The following WDR1 variants were observed in gnomAD, a reference collection of about 807,000 sequenced individuals.
WDR1 encodes WD repeat-containing protein 1.
Under a neutral mutation model 71.9 loss-of-function variants are expected in WDR1, and 21 were observed. The observed-to-expected ratio is 0.29, with a 90% CI of 0.21 to 0.42. The LOEUF (loss-of-function observed/expected upper bound fraction) is 0.42. Among genes scored for constraint, WDR1 ranks in the 10% least tolerant of loss-of-function variants. WDR1 has a pLI of 1.00. For missense variants in WDR1, 696 were observed against 824.5 expected (o/e 0.84, Z 1.91); for synonymous variants, 424 against 347.4 (o/e 1.22, Z -2.45).
rs2241470 is a variant in WDR1 at position 10,082,946 on chromosome 4, T to G, written c.1196+76A>C. 488,680 of 1,517,366 alleles carry G rather than the reference T, an allele frequency of 0.32. 80,500 individuals carry two copies. Among genetic ancestry groups the G allele is most frequent in the East Asian group, 0.53 (23,303 of 43,810 alleles). 94.0% of individuals were successfully genotyped at this position (1,517,366 alleles called of 1,614,324 possible). The stretch of plus-strand genomic sequence containing the variant: ...GCAAGTGAGGCGTCCTCCAGAACAG[T>G]AACTGCTGGAGGGCACAAGCCCTCC... On this transcript the variant is annotated intron_variant, in intron 10 of 14. Coordinates refer to ENST00000499869, the MANE Select transcript of WDR1 (RefSeq NM_017491.5).
chr4:10,079,043 C>T (rs769749266), intron 11 of WDR1, 42 bp from the exon 12 acceptor site: 30 of 1,510,006 alleles, frequency 2.0e-5, no homozygotes, highest in African/African-American at 2.8e-5. Context: ...TCCAGCCCTT[C>T]GGGACAAAAC....
At position 10,099,151 on chromosome 4, in the gene WDR1, A is replaced by AAGG; in HGVS notation, c.230-13_230-12insCCT. On this transcript the variant is annotated splice_polypyrimidine_tract_variant and intron_variant, in intron 3 of 14. Transcript: ENST00000499869. ...CTTCCCAGACACATCTGTGGGGCACAGCGGGCGGGGGAGGGGGGGAGGCGG... is the reference window on the plus strand; with the variant it reads ...CTTCCCAGACACATCTGTGGGGCACAAGGGCGGGCGGGGGAGGGGGGGAGGCGG... 1 of 564,378 alleles carries AAGG rather than the reference A, an allele frequency of 1.8e-6. No individual in the cohort carries two copies. The highest frequency in any genetic ancestry group is 2.4e-6 in the Non-Finnish European group (1 of 412,598). 35.0% of individuals were successfully genotyped at this position (564,378 alleles called of 1,614,324 possible).
intron 5 of WDR1, chr4:10,094,575 C>A (rs1176908602): frequency 6.6e-6 from 1 of 152,250 alleles, no homozygotes; most frequent in Non-Finnish European, 1.5e-5. Flanking sequence ...GAACCTACCC[C>A]TGGGTTCGCA....
intron 9 of WDR1, among the ~76,000 whole-genome samples, chr4:10,084,242 T>G (rs936767683): frequency 1.3e-5 from 2 of 151,606 alleles, no homozygotes; most frequent in East Asian, 1.9e-4. Flanking sequence ...AGCCCTGGAG[T>G]TGCCAAGGAC....
rs376351237 is a variant in WDR1 at position 10,077,320 on chromosome 4, G to C, written c.1698C>G (p.Thr566=). The change falls in exon 14 of 15, where the codon ACC becomes ACG. Residue 566 remains threonine (T), a synonymous_variant. Transcript: ENST00000499869. ...GGAAGTCACCTTGGATCTTGACTCTGGTTTCCGGGTCACTCAGGGTCCAAA... is the reference window on the plus strand; with the variant it reads ...GGAAGTCACCTTGGATCTTGACTCTCGTTTCCGGGTCACTCAGGGTCCAAA... The part of the protein sequence containing the change: ...VYVWTLSDPE[T]RVKIQDAHRL... 6.2e-7 allele frequency: 1 copy of C among 1,613,884 alleles called. No individual in the cohort carries two copies. The highest frequency in any genetic ancestry group is 8.5e-7 in the Non-Finnish European group (1 of 1,179,882).
intron 5 of WDR1, among the ~76,000 whole-genome samples, chr4:10,096,883 A>G (rs1426328951): frequency 6.6e-6 from 1 of 152,126 alleles, no homozygotes; most frequent in Non-Finnish European, 1.5e-5. Context: ...TTCCGGGTCC[A>G]TTGTTCTTGT....
intron 4 of WDR1, 47 bp from the exon 5 acceptor site, chr4:10,097,938 C>T (rs370060053): frequency 2.8e-5 from 30 of 1,066,254 alleles, no homozygotes; most frequent in Middle Eastern, 2.5e-4. Flanking sequence ...AAAAAAAAAT[C>T]AATCCCAGAA....
chr4:10,091,160 C>T (rs1711951012), intron 5 of WDR1, among the ~76,000 whole-genome samples: 1 of 152,284 alleles, frequency 6.6e-6, no homozygotes, highest in Non-Finnish European at 1.5e-5. Context: ...GAACACAGGA[C>T]TGGACGGTCG....
intron 14 of WDR1, chr4:10,076,468 G>C (rs1296344327): frequency 6.6e-6 from 1 of 152,292 alleles, no homozygotes; most frequent in African/African-American, 2.4e-5. Context: ...ACTAGCTCTT[G>C]CTGTATTTTT....
At chr4:10,075,998 C>T (rs932520637) in intron 14 of WDR1, 5 of 156,798 alleles carry the variant, frequency 3.2e-5, no homozygotes, top group Non-Finnish European at 5.7e-5. Flanking sequence ...AATCTTGCCT[C>T]CACCCAACCG....
chr4:10,090,184 T>C (rs1368964971), intron 5 of WDR1, among the ~76,000 whole-genome samples: 1 of 152,170 alleles, frequency 6.6e-6, no homozygotes, highest in African/African-American at 2.4e-5. Context: ...AAATTTCCAT[T>C]GTTTAAGGCA....
rs756472443 is a variant in WDR1 at position 10,097,693 on chromosome 4, A to G, written c.558+18T>C. The G allele has an allele frequency of 6.2e-7, 1 of 1,601,016 alleles. No individual in the cohort carries two copies. The highest frequency in any genetic ancestry group is 8.5e-7 in the Non-Finnish European group (1 of 1,170,570). On this transcript the variant is annotated intron_variant, in intron 5 of 14. Transcript: ENST00000499869. ...ATGTACAAACCACAAATTTCACCCA[A>G]AAAGTAAGTTCACTTACGCCAATTG...
chr4:10,112,292 ACCTGCAGGAAGCCTTCCTT>A (rs1713430569), intron 2 of WDR1, among the ~76,000 whole-genome samples: 1 of 152,122 alleles, frequency 6.6e-6, no homozygotes, highest in Non-Finnish European at 1.5e-5. Flanking sequence ...AGGTACCAGC[ACCTGCAGGAAGCCTTCCTT>A]AGACCCCCGA....
chr4:10,102,821 T>A (rs1265401192), intron 3 of WDR1, among the ~76,000 whole-genome samples: 2 of 152,152 alleles, frequency 1.3e-5, no homozygotes, highest in African/African-American at 4.8e-5. Context: ...TCTCAGCAAT[T>A]TGGTCATAGC....
rs1208924526 is a variant in WDR1, at chr4:10,074,535, A to G, written c.*843T>C. 1 of 152,668 alleles carries G rather than the reference A, an allele frequency of 6.6e-6. No individual in the cohort carries two copies. Among genetic ancestry groups the G allele is most frequent in the Non-Finnish European group, 1.5e-5 (1 of 68,044 alleles). 9.5% of individuals were successfully genotyped at this position (152,668 alleles called of 1,614,324 possible). A position where few individuals can be genotyped will look rare whatever the true frequency, so the allele number is the denominator to read the frequency against. ...GAAAAAGAAAAGGAAGGTAAAAACA[A>G]TGACAGATTAGTTTACAGTGACTTC... is the stretch of plus-strand genomic sequence containing the variant. On this transcript the variant is annotated 3_prime_UTR_variant, in exon 15 of 15. Transcript: ENST00000499869.
chr4:10,106,023 C>G (rs1361047977), intron 2 of WDR1, among the ~76,000 whole-genome samples: 2 of 151,564 alleles, frequency 1.3e-5, no homozygotes, highest in Non-Finnish European at 1.5e-5. Context: ...TACACATTGC[C>G]TCTCACTTCA....
intron 5 of WDR1, among the ~76,000 whole-genome samples, chr4:10,095,627 G>A (rs540734550): frequency 1.4e-4 from 22 of 152,356 alleles, no homozygotes; most frequent in African/African-American, 4.6e-4. Flanking sequence ...CAACTCAGAA[G>A]GTATTTGGGG....
chr4:10,088,271 C>T (rs766159037), intron 7 of WDR1, 22 bp downstream of exon 7: 31 of 1,549,434 alleles, frequency 2.0e-5, no homozygotes, highest in South Asian at 1.2e-4. Context: ...ACCACTAGGC[C>T]GGGAAACACG....
At chr4:10,116,503 G>C (rs1227841851) in intron 1 of WDR1, 148 bp downstream of exon 1, 1 of 654,386 alleles carries the variant, frequency 1.5e-6, no homozygotes, top group Non-Finnish European at 2.0e-6. Flanking sequence ...CTGCACCACC[G>C]AGGGCGGCCC....
Sources: allele counts gnomAD v4.1 joint callset (sites outside exome capture counted in the v4.1 genomes callset), GRCh38; gene constraint gnomAD v4.1.1; transcripts MANE v1.5; gene names NCBI Gene and HGNC (gene_info 2026-07-23, HGNC 2026-07-21).